GRIN2A: variants seen among roughly 807,000 people sequenced by gnomAD.
The protein encoded by GRIN2A is glutamate ionotropic receptor NMDA type subunit 2A.
GRIN2A carries 22 observed loss-of-function variants against 113.4 expected under a neutral mutation model. The observed-to-expected ratio is 0.19, with a 90% confidence interval of 0.14 to 0.28. The LOEUF (loss-of-function observed/expected upper bound fraction) is 0.28, where lower values mean the gene tolerates loss of function less well. GRIN2A is among the 10% of genes least tolerant of loss of function. The pLI is 1.00. For synonymous variants in GRIN2A, 827 were observed against 738.4 expected, an observed-to-expected ratio of 1.12 and a Z score of -1.94; for missense variants, 1,502 against 1,887.0, an observed-to-expected ratio of 0.80 and a Z score of 3.78.
At position 10,096,456 on chromosome 16, in the gene GRIN2A, T is replaced by C. The variant is rs572094926; in HGVS notation, c.414+83542A>G. On this transcript the variant is annotated intron_variant, in intron 2 of 12. Transcript: ENST00000330684. The stretch of plus-strand genomic sequence containing the variant: ...GCATCTCGGGGTTTCTGATGTTCAC[T>C]AAAGTGTGAGAACCATGGTCTATAT... 3.9e-5 allele frequency among the ~76,000 whole-genome samples: 6 copies of C among 152,156 alleles called. No homozygotes were observed. In the East Asian group the frequency reaches 9.7e-4, roughly 24 times the overall value.
chr16:9,833,711 G>A (rs752432083), intron 8 of GRIN2A, among the ~76,000 whole-genome samples: 2 of 152,132 alleles, frequency 1.3e-5, no homozygotes, highest in Non-Finnish European at 2.9e-5. Flanking sequence ...GTACACCAAC[G>A]CAGTATAATG....
At chr16:9,795,999 A>T (rs1487559255) in intron 11 of GRIN2A, among the ~76,000 whole-genome samples, 1 of 152,170 alleles carries the variant, frequency 6.6e-6, no homozygotes, top group East Asian at 1.9e-4. Flanking sequence ...TTGCCCTCTG[A>T]GATTCAATTT....
chr16:10,156,925 A>G (rs908545612), intron 2 of GRIN2A, among the ~76,000 whole-genome samples: 1 of 152,190 alleles, frequency 6.6e-6, no homozygotes, highest in Non-Finnish European at 1.5e-5. Context: ...GAAAGAAAGA[A>G]CAAGTTATCT....
chr16:10,016,917 C>G (rs1032117894), intron 2 of GRIN2A, among the ~76,000 whole-genome samples: 26 of 152,202 alleles, frequency 1.7e-4, no homozygotes, highest in African/African-American at 6.3e-4. Context: ...CCTCCTCTGC[C>G]AAATCTTCAA....
intron 2 of GRIN2A, among the ~76,000 whole-genome samples, chr16:10,117,897 C>T (rs1275980627): frequency 1.3e-5 from 2 of 152,206 alleles, no homozygotes; most frequent in Non-Finnish European, 2.9e-5. Context: ...ATTGTCCCTG[C>T]TTGCCCCTTT....
chr16:10,033,921 C>T (rs1347998677), intron 2 of GRIN2A: 8 of 152,322 alleles, frequency 5.3e-5, no homozygotes, highest in Non-Finnish European at 1.0e-4. Context: ...CTGAGAAGTG[C>T]CTTCCTTCTC....
intron 2 of GRIN2A, among the ~76,000 whole-genome samples, chr16:9,997,224 T>C (rs942578312): frequency 1.3e-5 from 2 of 152,136 alleles, no homozygotes; most frequent in Non-Finnish European, 2.9e-5. Context: ...GTGTTGGAGA[T>C]GCTATAATTG....
chr16:9,800,566 C>A (rs148320332), intron 10 of GRIN2A, among the ~76,000 whole-genome samples: 3 of 152,230 alleles, frequency 2.0e-5, no homozygotes, highest in African/African-American at 7.2e-5. Context: ...AACTATTTGG[C>A]AGGTTTACAG....
At chr16:9,929,931 G>A (rs141548089) in intron 3 of GRIN2A, among the ~76,000 whole-genome samples, 2 of 152,208 alleles carry the variant, frequency 1.3e-5, no homozygotes, top group African/African-American at 4.8e-5. Context: ...CCAACTTCTG[G>A]TCCTCCCAAG....
intron 7 of GRIN2A, among the ~76,000 whole-genome samples, chr16:9,835,547 C>A (rs1466745573): frequency 6.6e-6 from 1 of 152,146 alleles, no homozygotes; most frequent in Non-Finnish European, 1.5e-5. Flanking sequence ...AATACATCTC[C>A]ACCTGAATGT....
intron 2 of GRIN2A, among the ~76,000 whole-genome samples, chr16:10,109,497 C>T (rs995754075): frequency 9.9e-5 from 15 of 152,094 alleles, no homozygotes; most frequent in African/African-American, 3.6e-4. Flanking sequence ...TCCTCGCAAA[C>T]ATACATGCAA....
At chr16:10,040,103 C>T (rs1361938255) in intron 2 of GRIN2A, among the ~76,000 whole-genome samples, 1 of 28,866 alleles carries the variant, frequency 3.5e-5, no homozygotes, top group Non-Finnish European at 7.4e-5. Context: ...ATACACTACA[C>T]ACATCCACAC....
intron 2 of GRIN2A, among the ~76,000 whole-genome samples, chr16:10,098,855 T>G (rs542042671): frequency 6.6e-6 from 1 of 152,176 alleles, no homozygotes; most frequent in East Asian, 1.9e-4. Context: ...AAATGTATAC[T>G]GCTCGGGTGA....
intron 2 of GRIN2A, among the ~76,000 whole-genome samples, chr16:10,166,459 G>A (rs1226167809): frequency 6.6e-6 from 1 of 152,164 alleles, no homozygotes; most frequent in Non-Finnish European, 1.5e-5. Context: ...TGTGGGGGAT[G>A]ACAACCTGTA....
At chr16:9,890,025 G>C (rs549364070) in intron 4 of GRIN2A, among the ~76,000 whole-genome samples, 2 of 152,174 alleles carry the variant, frequency 1.3e-5, no homozygotes, top group South Asian at 4.1e-4. Flanking sequence ...GCTTCTGTTT[G>C]TATAGTATTT....
At chr16:10,125,391 G>A (rs751364197) in intron 2 of GRIN2A, among the ~76,000 whole-genome samples, 6 of 152,124 alleles carry the variant, frequency 3.9e-5, no homozygotes, top group Admixed American at 6.5e-5. Context: ...ACCCCAAGTG[G>A]AAAGACCCTT....
In GRIN2A at chr16:9,868,936, C is replaced by CA. The variant is rs1214898530; in HGVS notation, c.1123-18976dup. Among the ~76,000 whole-genome samples the CA allele has an allele frequency of 3.9e-5, 6 of 152,310 alleles. No homozygotes were observed. In the East Asian group the frequency reaches 9.7e-4, roughly 25 times the overall value. ...GTCCTTCAGAACTCAACACAGAGGG[C>CA]AGCTGTTCTGGGAAGCAGCCTCTAA... On this transcript the variant is annotated intron_variant, in intron 4 of 12. Transcript: ENST00000330684.
At chr16:10,129,976 G>A in intron 2 of GRIN2A, among the ~76,000 whole-genome samples, 1 of 152,204 alleles carries the variant, frequency 6.6e-6, no homozygotes, top group East Asian at 1.9e-4. Flanking sequence ...AGAAGCCCTT[G>A]CTGATGGTTT....
rs1040108136 is a variant in GRIN2A at position 10,019,086 on chromosome 16, C to A, written c.415-80535G>T. ...AAAAAAAAAAAAAACTGAATCCCAA[C>A]GTAAGTTTGTGACCTTGAGCAAATT... On this transcript the variant is annotated intron_variant, in intron 2 of 12. Transcript: ENST00000330684. Among the ~76,000 whole-genome samples the A allele has an allele frequency of 6.1e-5, 9 of 147,560 alleles. No individual in the cohort carries two copies. In the East Asian group the frequency reaches 1.4e-3, roughly 23 times the overall value.
Sources: gnomAD v4.1 joint callset for allele counts (sites outside exome capture counted in the v4.1 genomes callset) on GRCh38, gnomAD v4.1.1 for gene constraint, MANE v1.5 for transcripts, NCBI Gene and HGNC (gene_info 2026-07-23, HGNC 2026-07-21) for gene names.